ACACA: variants seen among roughly 807,000 people sequenced by gnomAD.
The protein encoded by ACACA is acetyl-CoA carboxylase alpha.
A neutral mutation model predicts 296.1 loss-of-function variants in ACACA; 103 were observed. The ratio of observed to expected loss-of-function variants is 0.35; its 90% confidence interval spans 0.30 to 0.41. The LOEUF (loss-of-function observed/expected upper bound fraction) is 0.41. Ranked by LOEUF, ACACA falls within the 10% of genes least tolerant of loss-of-function variation. The probability of loss-of-function intolerance (pLI) is 1.00; values close to 1 mark genes in which losing one functional copy is unlikely to be tolerated. For synonymous variants in ACACA, 953 were observed against 1,038.6 expected (o/e 0.92, Z 1.58); for missense variants, 1,554 against 2,989.7 (o/e 0.52, Z 11.20).
At chr17:37,189,705 T>A (rs2077672708) in intron 38 of ACACA, among the ~76,000 whole-genome samples, 1 of 152,154 alleles carries the variant, frequency 6.6e-6, no homozygotes, top group Non-Finnish European at 1.5e-5. Context: ...TTTCCCAGCT[T>A]ATTAGTCCCA....
At chr17:37,312,239 T>C (rs973355923) in intron 3 of ACACA, among the ~76,000 whole-genome samples, 1 of 151,950 alleles carries the variant, frequency 6.6e-6, no homozygotes, top group Admixed American at 6.6e-5. Context: ...AGATGGAAAG[T>C]ATATGGAATT....
chr17:37,186,897 A>AC (rs1482053356), intron 39 of ACACA, among the ~76,000 whole-genome samples: 147 of 140,182 alleles, frequency 1.0e-3, no homozygotes, highest in African/African-American at 3.9e-3. Flanking sequence ...AAAGGAAAGG[A>AC]AAAAAAAAAA....
intron 25 of ACACA, among the ~76,000 whole-genome samples, chr17:37,228,627 T>C (rs1442362650): frequency 6.6e-6 from 1 of 152,146 alleles, no homozygotes; most frequent in Admixed American, 6.5e-5. Context: ...CAGATAACAG[T>C]AGGTAGGGAA....
intron 14 of ACACA, among the ~76,000 whole-genome samples, chr17:37,255,641 A>G (rs1457941363): frequency 1.3e-5 from 2 of 152,226 alleles, no homozygotes; most frequent in African/African-American, 4.8e-5. Flanking sequence ...CAGTCTGGGA[A>G]CATAAATGAG....
At chr17:37,228,729 G>C (rs2079674262) in intron 25 of ACACA, among the ~76,000 whole-genome samples, 1 of 152,084 alleles carries the variant, frequency 6.6e-6, no homozygotes. Flanking sequence ...AAAAGCATTG[G>C]AATGACCCAC....
intron 3 of ACACA, among the ~76,000 whole-genome samples, chr17:37,313,560 G>A (rs2046946941): frequency 6.6e-6 from 1 of 152,108 alleles, no homozygotes; most frequent in Non-Finnish European, 1.5e-5. Flanking sequence ...TTAGCAAACA[G>A]CTATATGAAA....
chr17:37,085,427 T>TG lies in ACACA; in HGVS notation c.*1888dup, dbSNP rs1023433986. ...TGAAGACATGCCTGGACAGGCCTCC[T>TG]GGGGGGTGCAGGACTTCATACCACT... On this transcript the variant is annotated 3_prime_UTR_variant, in exon 56 of 56. Coordinates refer to ENST00000616317, the MANE Select transcript of ACACA (RefSeq NM_198834.3). The TG allele has an allele frequency of 2.3e-5, 9 of 395,188 alleles. No individual in the cohort carries two copies. The highest frequency in any genetic ancestry group is 6.3e-4 in the Middle Eastern group (1 of 1,598). 24.5% of individuals were successfully genotyped at this position (395,188 alleles called of 1,614,324 possible).
At chr17:37,290,525 C>T (rs2082998054) in intron 3 of ACACA, among the ~76,000 whole-genome samples, 1 of 152,162 alleles carries the variant, frequency 6.6e-6, no homozygotes. Context: ...ACAAGTGAGG[C>T]TCAGAGGGAT....
intron 29 of ACACA, 106 bp downstream of exon 29, chr17:37,221,618 C>G: frequency 2.0e-6 from 2 of 1,002,010 alleles, no homozygotes; most frequent in South Asian, 2.6e-5. Flanking sequence ...ATTTTTTGCC[C>G]TACATTTCTA....
intron 11 of ACACA, among the ~76,000 whole-genome samples, chr17:37,261,246 G>A (rs1283293123): frequency 6.6e-6 from 1 of 152,188 alleles, no homozygotes; most frequent in Non-Finnish European, 1.5e-5. Context: ...GCAACTCAGT[G>A]TCAAAGATCA....
At chr17:37,391,885 T>C in intron 1 of ACACA, 1 of 674,760 alleles carries the variant, frequency 1.5e-6, no homozygotes, top group Non-Finnish European at 2.6e-6. Flanking sequence ...TTAGCAGAGT[T>C]ACCCTCATGC....
intron 10 of ACACA, among the ~76,000 whole-genome samples, chr17:37,269,172 C>T (rs886977869): frequency 1.3e-5 from 2 of 151,884 alleles, no homozygotes; most frequent in Non-Finnish European, 2.9e-5. Context: ...TAGAGTCTCA[C>T]TTTATCTTCC....
chr17:37,292,779 G>A (rs764189793), intron 3 of ACACA, among the ~76,000 whole-genome samples: 6 of 152,172 alleles, frequency 3.9e-5, no homozygotes, highest in African/African-American at 7.2e-5. Context: ...CAGGAGAATC[G>A]CTTGAATCTG....
At chr17:37,177,971 GAA>G (rs1000514858) in intron 41 of ACACA, among the ~76,000 whole-genome samples, 10 of 152,008 alleles carry the variant, frequency 6.6e-5, no homozygotes, top group South Asian at 2.1e-4. Context: ...GAAATTTTTT[GAA>G]AAAGATTGAG....
chr17:37,210,568 A>G, intron 29 of ACACA, 78 bp from the exon 30 acceptor site: 1 of 1,400,598 alleles, frequency 7.1e-7, no homozygotes, highest in Non-Finnish European at 1.0e-6. Flanking sequence ...GCAGATATAG[A>G]CCAGTCATGA....
chr17:37,255,841 G>C (rs560172852), intron 14 of ACACA, among the ~76,000 whole-genome samples: 7 of 152,210 alleles, frequency 4.6e-5, no homozygotes, highest in Admixed American at 3.9e-4. Context: ...CAGCCTCCTG[G>C]GTTCCAGTGA....
chr17:37,182,426 C>T (rs1246222700), intron 39 of ACACA, among the ~76,000 whole-genome samples: 1 of 152,022 alleles, frequency 6.6e-6, no homozygotes, highest in Non-Finnish European at 1.5e-5. Context: ...CCTGCAATAC[C>T]TATATTGTCA....
At chr17:37,344,571 A>AAAAT (rs967352741) in intron 1 of ACACA, among the ~76,000 whole-genome samples, 5 of 152,030 alleles carry the variant, frequency 3.3e-5, no homozygotes, top group African/African-American at 1.2e-4. Context: ...AAAATAAATA[A>AAAAT]AAATAAATAA....
At chr17:37,202,668 C>CATATATATATATATAT (rs1179497445) in intron 33 of ACACA, among the ~76,000 whole-genome samples, 2 of 71,182 alleles carry the variant, frequency 2.8e-5, no homozygotes, top group African/African-American at 5.0e-5. Context: ...CCTTTTCTTT[C>CATATATATATATATAT]ATATATATAT....
Sources: allele counts gnomAD v4.1 joint callset (sites outside exome capture counted in the v4.1 genomes callset), GRCh38; gene constraint gnomAD v4.1.1; transcripts MANE v1.5; gene names NCBI Gene and HGNC (gene_info 2026-07-23, HGNC 2026-07-21).